The following PDE3A variants were observed in gnomAD, a reference collection of about 807,000 sequenced individuals.
PDE3A encodes the protein phosphodiesterase 3A.
In PDE3A, 43 loss-of-function variants were observed where a neutral mutation model predicts 98.3. The observed-to-expected ratio is 0.44, with a 90% CI of 0.34 to 0.56. The LOEUF (loss-of-function observed/expected upper bound fraction) is 0.56, where lower values mean the gene tolerates loss of function less well. Among genes scored for constraint, PDE3A ranks in the 20% least tolerant of loss-of-function variants. PDE3A has a pLI of 0.01. For synonymous variants in PDE3A, 663 were observed against 567.9 expected (o/e 1.17, Z -2.38); for missense variants, 1,427 against 1,440.7 (o/e 0.99, Z 0.15).
chr12:20,647,583 C>T (rs1592144648), intron 12 of PDE3A, among the ~76,000 whole-genome samples: 1 of 152,106 alleles, frequency 6.6e-6, no homozygotes, highest in East Asian at 1.9e-4. Context: ...ATTAGCTGAA[C>T]CCAAGTTGCT....
chr12:20,578,850 T>G (rs1231318712), intron 2 of PDE3A, among the ~76,000 whole-genome samples: 1 of 152,168 alleles, frequency 6.6e-6, no homozygotes. Context: ...ATTTGATCAC[T>G]TCCTATATGT....
chr12:20,511,709 G>T (rs1000990818), intron 1 of PDE3A, among the ~76,000 whole-genome samples: 4 of 152,008 alleles, frequency 2.6e-5, no homozygotes. Context: ...TTCCTTAAGT[G>T]TGGGCTACTC....
chr12:20,533,171 G>C (rs1014606058), intron 1 of PDE3A, among the ~76,000 whole-genome samples: 1 of 152,022 alleles, frequency 6.6e-6, no homozygotes, highest in East Asian at 1.9e-4. Context: ...GCACAGCTAG[G>C]CCTACCATTA....
intron 1 of PDE3A, among the ~76,000 whole-genome samples, chr12:20,467,735 G>A (rs1945363366): frequency 6.6e-6 from 1 of 151,736 alleles, no homozygotes; most frequent in Non-Finnish European, 1.5e-5. Context: ...AAGAGATTGA[G>A]ACCATCCTGG....
intron 2 of PDE3A, among the ~76,000 whole-genome samples, chr12:20,610,217 AT>A (rs1341565124): frequency 5.9e-5 from 9 of 152,056 alleles, no homozygotes. Context: ...AAATAACCTG[AT>A]TAAAAAGTGG....
At chr12:20,426,103 T>C (rs906065790) in intron 1 of PDE3A, among the ~76,000 whole-genome samples, 6 of 152,064 alleles carry the variant, frequency 3.9e-5, no homozygotes, top group Admixed American at 1.3e-4. Flanking sequence ...GGAAGGAAAA[T>C]ACTTAATGCT....
chr12:20,458,721 A>G (rs1309305013), intron 1 of PDE3A, among the ~76,000 whole-genome samples: 1 of 152,168 alleles, frequency 6.6e-6, no homozygotes, highest in African/African-American at 2.4e-5. Context: ...ATAGGAAGAC[A>G]AGCTGTCCTT....
At chr12:20,651,766 GA>G (rs1317621214) in intron 14 of PDE3A, among the ~76,000 whole-genome samples, 1 of 71,096 alleles carries the variant, frequency 1.4e-5, no homozygotes, top group Admixed American at 1.1e-4. Flanking sequence ...TAGAATGAAA[GA>G]TTTTTTTTAT....
At chr12:20,386,166 T>TATATATAAAAATATATATAA (rs1943790375) in intron 1 of PDE3A, among the ~76,000 whole-genome samples, 1 of 92,368 alleles carries the variant, frequency 1.1e-5, no homozygotes, top group Non-Finnish European at 2.0e-5. Context: ...TATATATAAA[T>TATATATAAAAATATATATAA]ATATAAAAAT....
At position 20,500,289 on chromosome 12, in the gene PDE3A, T is replaced by C. The variant is rs147810985; in HGVS notation, c.961-56371T>C. The stretch of plus-strand genomic sequence containing the variant: ...ATTAGATATGATAAAGTAGAATACA[T>C]CAAGAGCAAAATATTCTAATTCGAA... On this transcript the variant is annotated intron_variant, in intron 1 of 15. Coordinates refer to ENST00000359062, the MANE Select transcript of PDE3A (RefSeq NM_000921.5). Among the ~76,000 whole-genome samples the C allele has an allele frequency of 3.2e-3, 494 of 152,304 alleles. 3 individuals carry two copies. Among genetic ancestry groups the C allele is most frequent in the African/African-American group, 0.011 (472 of 41,576 alleles).
chr12:20,440,282 T>C, intron 1 of PDE3A, among the ~76,000 whole-genome samples: 1 of 152,150 alleles, frequency 6.6e-6, no homozygotes, highest in East Asian at 1.9e-4. Flanking sequence ...TTTAACGTAA[T>C]TATAAGGAAA....
intron 1 of PDE3A, among the ~76,000 whole-genome samples, chr12:20,497,415 T>C (rs1246736196): frequency 6.6e-6 from 1 of 151,734 alleles, no homozygotes; most frequent in East Asian, 1.9e-4. Flanking sequence ...TGGAGGGCTG[T>C]ATTCTAAGAG....
At chr12:20,551,871 G>T (rs995598139) in intron 1 of PDE3A, 14 of 1,613,702 alleles carry the variant, frequency 8.7e-6, no homozygotes, top group Non-Finnish European at 1.1e-5. Flanking sequence ...CCATCATCCC[G>T]TCCAACCACT....
intron 2 of PDE3A, chr12:20,571,740 A>G (rs112639651): frequency 0.034 from 5,626 of 166,596 alleles, 124 homozygotes; most frequent in Middle Eastern, 0.048. Flanking sequence ...ACATTATTTG[A>G]GTCCCAGCTC....
intron 1 of PDE3A, among the ~76,000 whole-genome samples, chr12:20,461,127 G>A (rs1044330279): frequency 6.7e-6 from 1 of 150,180 alleles, no homozygotes; most frequent in Non-Finnish European, 1.5e-5. Flanking sequence ...TACTGATTAA[G>A]ATAAGGGGAG....
Position 20,680,291 on chromosome 12 carries a change from T to G in PDE3A, c.*20T>G. The G allele has an allele frequency of 6.2e-7, 1 of 1,612,596 alleles. No individual in the cohort carries two copies. ...CAGTGACAATGGATAGAATGGGCTGTGTTTCCAAACAGATTGACTTGTCAA... is the reference window on the plus strand; with the variant it reads ...CAGTGACAATGGATAGAATGGGCTGGGTTTCCAAACAGATTGACTTGTCAA... On this transcript the variant is annotated 3_prime_UTR_variant, in exon 16 of 16. Coordinates refer to ENST00000359062, the MANE Select transcript of PDE3A (RefSeq NM_000921.5).
intron 1 of PDE3A, among the ~76,000 whole-genome samples, chr12:20,482,772 T>G (rs548074475): frequency 6.6e-6 from 1 of 152,356 alleles, no homozygotes; most frequent in Non-Finnish European, 1.5e-5. Context: ...ATGCAGAGAA[T>G]GTACTTTTAT....
At chr12:20,437,898 T>C (rs898541309) in intron 1 of PDE3A, among the ~76,000 whole-genome samples, 5 of 152,208 alleles carry the variant, frequency 3.3e-5, no homozygotes, top group African/African-American at 1.2e-4. Context: ...TGAACTAAAT[T>C]GAGGGTTGTT....
At position 20,688,338 on chromosome 12, in the gene PDE3A, A is replaced by G. The variant is rs1299835185; in HGVS notation, c.*8067A>G. On this transcript the variant is annotated 3_prime_UTR_variant, in exon 16 of 16. Coordinates refer to ENST00000359062, the MANE Select transcript of PDE3A (RefSeq NM_000921.5). Reference sequence around the variant, plus strand: ...GACTTAGTGGCGGAGAAATGTTTGTAAAAAGTAGAATCTGTACAGAAAAAA... The same window carrying G: ...GACTTAGTGGCGGAGAAATGTTTGTGAAAAGTAGAATCTGTACAGAAAAAA... Among the ~76,000 whole-genome samples the G allele has an allele frequency of 6.6e-6, 1 of 151,966 alleles. No individual in the cohort carries two copies. The highest frequency in any genetic ancestry group is 1.9e-4 in the East Asian group (1 of 5,186).
Sources: gnomAD v4.1 joint callset for allele counts (sites outside exome capture counted in the v4.1 genomes callset) on GRCh38, gnomAD v4.1.1 for gene constraint, MANE v1.5 for transcripts, NCBI Gene and HGNC (gene_info 2026-07-23, HGNC 2026-07-21) for gene names.